The following NRXN3 variants were observed in gnomAD, a reference collection of about 807,000 sequenced individuals.
NRXN3 encodes neurexin III.
NRXN3 carries 32 observed loss-of-function variants against 137.6 expected under a neutral mutation model. The ratio of observed to expected loss-of-function variants is 0.23; its 90% confidence interval spans 0.18 to 0.31. The LOEUF (loss-of-function observed/expected upper bound fraction) is 0.31. Ranked by LOEUF, NRXN3 falls within the 10% of genes least tolerant of loss-of-function variation. NRXN3 has a pLI of 1.00. For missense variants in NRXN3, 1,574 were observed against 2,062.5 expected, an observed-to-expected ratio of 0.76 and a Z score of 4.59; for synonymous variants, 798 against 784.5, an observed-to-expected ratio of 1.02 and a Z score of -0.29.
At chr14:78,853,087 C>T (rs927379326) in intron 10 of NRXN3, among the ~76,000 whole-genome samples, 3 of 151,938 alleles carry the variant, frequency 2.0e-5, no homozygotes, top group Non-Finnish European at 4.4e-5. Context: ...TACTATTATA[C>T]TTTAAGTTTT....
chr14:79,427,439 CACAA>C lies in NRXN3; in HGVS notation c.3263-39778_3263-39775del, dbSNP rs761212980. 7.3e-5 allele frequency among the ~76,000 whole-genome samples: 11 copies of C among 151,354 alleles called. No individual in the cohort carries two copies. In the East Asian group the frequency reaches 1.7e-3, roughly 24 times the overall value. The stretch of plus-strand genomic sequence containing the variant: ...CTTCAGTCTCCTTAGCAAACACACA[CACAA>C]ACACACACACACACAAACACACACA... On this transcript the variant is annotated intron_variant, in intron 15 of 20. Coordinates refer to ENST00000335750, the MANE Select transcript of NRXN3 (RefSeq NM_001330195.2).
Position 78,988,008 on chromosome 14 carries a change from T to C in NRXN3, c.3143-14T>C. The C allele has an allele frequency of 1.2e-6, 2 of 1,606,240 alleles. No individual in the cohort carries two copies. Among genetic ancestry groups the C allele is most frequent in the Non-Finnish European group, 1.7e-6 (2 of 1,176,930 alleles). ...TCCTTTTTCTTTTTTTCCCCTCTTC[T>C]TGTGCATTACTAGGACCCAGTACCA... On this transcript the variant is annotated splice_polypyrimidine_tract_variant and intron_variant, in intron 14 of 20. Coordinates refer to ENST00000335750, the MANE Select transcript of NRXN3 (RefSeq NM_001330195.2).
chr14:79,789,398 G>A lies in NRXN3; in HGVS notation c.4015-15714G>A, dbSNP rs1288751903. 2.0e-5 allele frequency among the ~76,000 whole-genome samples: 3 copies of A among 152,122 alleles called. No individual in the cohort carries two copies. The East Asian group carries it at 5.8e-4, about 29-fold the overall frequency. ...AGGTCCCGACTTAGACCCCAAGAGA[G>A]GGTTCTTGGATCTCACGCAAGAAAG... On this transcript the variant is annotated intron_variant, in intron 19 of 20. Coordinates refer to ENST00000335750, the MANE Select transcript of NRXN3 (RefSeq NM_001330195.2).
chr14:79,343,521 G>T (rs1054970282), intron 15 of NRXN3, among the ~76,000 whole-genome samples: 2 of 152,116 alleles, frequency 1.3e-5, no homozygotes, highest in Non-Finnish European at 2.9e-5. Context: ...GGGTACAAAG[G>T]TGTCACCTAG....
chr14:79,103,999 C>T (rs1484690832), intron 15 of NRXN3, among the ~76,000 whole-genome samples: 1 of 152,122 alleles, frequency 6.6e-6, no homozygotes, highest in Non-Finnish European at 1.5e-5. Flanking sequence ...TTCATGTGTA[C>T]ACATGTGCAC....
intron 10 of NRXN3, among the ~76,000 whole-genome samples, chr14:78,928,216 T>C (rs1039777017): frequency 3.3e-5 from 5 of 152,134 alleles, no homozygotes; most frequent in African/African-American, 1.2e-4. Flanking sequence ...TCTCAAGGTC[T>C]TGTTTTAGGA....
Position 79,132,648 on chromosome 14 carries a change from A to T in NRXN3, c.3262+144507A>T, listed in dbSNP as rs921966324. ...CTTAGGCAACATAATGCAAATTTAC[A>T]TTAACTTTATTTGGTCTTCATCATA... On this transcript the variant is annotated intron_variant, in intron 15 of 20. Transcript: ENST00000335750. Among the ~76,000 whole-genome samples the T allele has an allele frequency of 2.0e-5, 3 of 152,234 alleles. No homozygotes were observed. In the East Asian group the frequency reaches 5.8e-4, roughly 29 times the overall value.
intron 16 of NRXN3, among the ~76,000 whole-genome samples, chr14:79,651,886 T>G (rs965893572): frequency 6.6e-6 from 1 of 152,324 alleles, no homozygotes; most frequent in Admixed American, 6.5e-5. Context: ...TAATGTTGAC[T>G]CTAGATCTTT....
chr14:78,723,943 TG>T (rs2098471581), intron 8 of NRXN3, among the ~76,000 whole-genome samples: 1 of 152,200 alleles, frequency 6.6e-6, no homozygotes, highest in Non-Finnish European at 1.5e-5. Context: ...ATGGTGTATT[TG>T]GAATTAAAAT....
chr14:78,505,110 C>A (rs1356129551), intron 4 of NRXN3, among the ~76,000 whole-genome samples: 2 of 152,116 alleles, frequency 1.3e-5, no homozygotes, highest in African/African-American at 2.4e-5. Context: ...CAATATCAAA[C>A]AAGCTAATCC....
chr14:78,557,843 G>A (rs1407459926), intron 4 of NRXN3, among the ~76,000 whole-genome samples: 1 of 152,174 alleles, frequency 6.6e-6, no homozygotes, highest in Admixed American at 6.5e-5. Context: ...ACCTGCCAGA[G>A]GCTTGCTGAA....
chr14:79,532,990 T>C (rs55708063), intron 16 of NRXN3, among the ~76,000 whole-genome samples: 4,271 of 152,214 alleles, frequency 0.028, 212 homozygotes, highest in African/African-American at 0.098. Flanking sequence ...AAGAGGAAAC[T>C]TGAAAATTTG....
chr14:79,731,339 G>T (rs1028077480), intron 19 of NRXN3, among the ~76,000 whole-genome samples: 1 of 152,156 alleles, frequency 6.6e-6, no homozygotes. Context: ...GATTTTACTT[G>T]TGTTTCAGAC....
chr14:79,490,131 A>G (rs2096701941), intron 16 of NRXN3, among the ~76,000 whole-genome samples: 1 of 152,188 alleles, frequency 6.6e-6, no homozygotes, highest in Non-Finnish European at 1.5e-5. Flanking sequence ...CTATGAGAAT[A>G]AAAACAGGCT....
chr14:78,497,235 T>C (rs2095799879), intron 4 of NRXN3, among the ~76,000 whole-genome samples: 1 of 152,194 alleles, frequency 6.6e-6, no homozygotes, highest in Non-Finnish European at 1.5e-5. Flanking sequence ...CATTTTACTC[T>C]TGAGCATAAG....
intron 4 of NRXN3, among the ~76,000 whole-genome samples, chr14:78,613,578 GTTTT>G (rs57745190): frequency 2.1e-5 from 2 of 95,124 alleles, no homozygotes; most frequent in African/African-American, 4.6e-5. Flanking sequence ...CACAACCATA[GTTTT>G]TTTTTTTTTT....
At chr14:79,089,027 T>C (rs775308200) in intron 15 of NRXN3, among the ~76,000 whole-genome samples, 21 of 152,126 alleles carry the variant, frequency 1.4e-4, no homozygotes, top group Non-Finnish European at 2.6e-4. Flanking sequence ...TCTCAGATTT[T>C]GTGGGGATAG....
intron 15 of NRXN3, among the ~76,000 whole-genome samples, chr14:79,320,370 A>T (rs1311117823): frequency 6.6e-6 from 1 of 152,202 alleles, no homozygotes; most frequent in Non-Finnish European, 1.5e-5. Flanking sequence ...TGATCTTAAA[A>T]TACCACAGTT....
chr14:78,764,532 T>C (rs557266662), intron 8 of NRXN3, among the ~76,000 whole-genome samples: 1 of 152,322 alleles, frequency 6.6e-6, no homozygotes, highest in South Asian at 2.1e-4. Flanking sequence ...AAACAGCTTT[T>C]AAACTTTTCT....
Sources: allele counts gnomAD v4.1 joint callset (sites outside exome capture counted in the v4.1 genomes callset), GRCh38; gene constraint gnomAD v4.1.1; transcripts MANE v1.5; gene names NCBI Gene and HGNC (gene_info 2026-07-23, HGNC 2026-07-21).